Variants in VOPP1 observed in about 807,000 individuals in gnomAD.
VOPP1 encodes the protein VOPP1 WW domain binding protein.
Under a neutral mutation model 23.5 loss-of-function variants are expected in VOPP1, and 8 were observed. The observed-to-expected ratio is 0.34, with a 90% CI of 0.20 to 0.61. VOPP1 has a LOEUF of 0.61. VOPP1 is among the 20% of genes least tolerant of loss of function. VOPP1 has a pLI of 0.78. For synonymous variants in VOPP1, 83 were observed against 97.3 expected, an observed-to-expected ratio of 0.85 and a Z score of 0.86; for missense variants, 174 against 238.1, an observed-to-expected ratio of 0.73 and a Z score of 1.77.
intron 4 of VOPP1, among the ~76,000 whole-genome samples, chr7:55,456,601 T>G (rs902352411): frequency 2.8e-4 from 42 of 152,284 alleles, no homozygotes; most frequent in African/African-American, 9.9e-4. Flanking sequence ...ATATACACCA[T>G]GTAATACTAT....
intron 4 of VOPP1, 42 bp from the exon 5 acceptor site, chr7:55,473,087 C>G: frequency 6.4e-7 from 1 of 1,568,080 alleles, no homozygotes; most frequent in East Asian, 2.4e-5. Context: ...AAGGGAAAGC[C>G]CCATCACACC....
intron 2 of VOPP1, among the ~76,000 whole-genome samples, chr7:55,506,481 G>A (rs543029913): frequency 1.8e-4 from 27 of 152,282 alleles, no homozygotes; most frequent in Admixed American, 1.2e-3. Flanking sequence ...GATTACAGGT[G>A]TGCGCCCCCA....
chr7:55,565,267 G>A (rs552018242), intron 1 of VOPP1, among the ~76,000 whole-genome samples: 10 of 152,138 alleles, frequency 6.6e-5, no homozygotes, highest in East Asian at 1.9e-4. Flanking sequence ...CCCTCCTCCC[G>A]CATTCTAGAC....
In VOPP1 at chr7:55,492,309, T is replaced by C. The variant is rs750177985; in HGVS notation, c.301A>G (p.Thr101Ala). The stretch of plus-strand genomic sequence containing the variant: ...GGGCCGGGATTTGGGGGCTGCCTGG[T>C]GTAGGACACATTGAAGGCTGGCTCC... ...IEEPAFNVSY[T>A]RQPPNPGPGA... is the part of the protein sequence containing the mutation. The change falls in exon 4 of 5, where the codon ACC becomes GCC. Residue 101 changes from threonine to alanine, a missense_variant. Physicochemically the swap from Thr to Ala is moderately conservative, Grantham distance 58 (BLOSUM62 0). Transcript: ENST00000285279. The C allele has an allele frequency of 3.7e-6, 6 of 1,611,350 alleles. No individual in the cohort carries two copies. The highest frequency in any genetic ancestry group is 2.2e-5 in the South Asian group (2 of 90,416).
intron 1 of VOPP1, 24 bp downstream of exon 1, chr7:55,572,247 C>T (rs1798391030): frequency 3.3e-6 from 5 of 1,512,980 alleles, no homozygotes; most frequent in Non-Finnish European, 4.4e-6. Flanking sequence ...GCGCCTCCGG[C>T]AGCACCCGGT....
chr7:55,549,875 G>C lies in VOPP1; in HGVS notation c.54+22396C>G, dbSNP rs978067489. On this transcript the variant is annotated intron_variant, in intron 1 of 4. Transcript: ENST00000285279. ...ATGCCATTGCTCCCCTCCTCCATGAGCGGTGCTCTCAAATCTTGCTTGGAA... is the reference window on the plus strand; with the variant it reads ...ATGCCATTGCTCCCCTCCTCCATGACCGGTGCTCTCAAATCTTGCTTGGAA... Among the ~76,000 whole-genome samples, 5 of 152,302 alleles carry C rather than the reference G, an allele frequency of 3.3e-5. No homozygotes were observed. In the East Asian group the frequency reaches 9.6e-4, roughly 29 times the overall value.
chr7:55,554,906 C>A (rs1171367313), intron 1 of VOPP1, among the ~76,000 whole-genome samples: 1 of 152,154 alleles, frequency 6.6e-6, no homozygotes, highest in Admixed American at 6.5e-5. Flanking sequence ...AGACCTCACC[C>A]AAGCGCAGGA....
In VOPP1 at chr7:55,493,551, C is replaced by T. The variant is rs541587651; in HGVS notation, c.192-1133G>A. ...TGAGCAGGGAGAAAAGCCAGAGGCA[C>T]GAGACAGGAATGACTCAGGAAAGAC... On this transcript the variant is annotated intron_variant, in intron 3 of 4. Transcript: ENST00000285279. Among the ~76,000 whole-genome samples the T allele has an allele frequency of 2.0e-4, 31 of 152,320 alleles. No homozygotes were observed. In the East Asian group the frequency reaches 4.4e-3, roughly 22 times the overall value.
intron 4 of VOPP1, among the ~76,000 whole-genome samples, chr7:55,490,730 C>T (rs560691327): frequency 1.3e-5 from 2 of 152,196 alleles, no homozygotes; most frequent in Non-Finnish European, 2.9e-5. Context: ...AAATCTGAAA[C>T]GATTCAAATA....
At chr7:55,462,168 C>T (rs952580163) in intron 4 of VOPP1, among the ~76,000 whole-genome samples, 1 of 152,184 alleles carries the variant, frequency 6.6e-6, no homozygotes, top group African/African-American at 2.4e-5. Flanking sequence ...TTATCACATT[C>T]TCTCCTGGCC....
chr7:55,548,805 T>A lies in VOPP1; in HGVS notation c.54+23466A>T, dbSNP rs146557194. ...ATCACCAGCACTCTTGCTCTGTAGA[T>A]TATAAGTAGACGAAAGATGAAAGAA... On this transcript the variant is annotated intron_variant, in intron 1 of 4. Transcript: ENST00000285279. Among the ~76,000 whole-genome samples the A allele has an allele frequency of 3.6e-3, 552 of 152,320 alleles. 2 individuals carry two copies. The highest frequency in any genetic ancestry group is 0.024 in the Middle Eastern group (7 of 294).
chr7:55,513,461 A>T lies in VOPP1; in HGVS notation c.113+7611T>A, dbSNP rs1360477580. On this transcript the variant is annotated intron_variant, in intron 2 of 4. Coordinates refer to ENST00000285279, the MANE Select transcript of VOPP1 (RefSeq NM_030796.5). ...ATTCCCTATCGTCTCAGTGGAGTTG[A>T]CTTCCGAGAAGCTTCCCCACATTCT... Among the ~76,000 whole-genome samples the T allele has an allele frequency of 3.3e-5, 5 of 152,092 alleles. No homozygotes were observed. The East Asian group carries it at 5.8e-4, about 18-fold the overall frequency.
At chr7:55,501,201 A>G (rs139432633) in intron 2 of VOPP1, among the ~76,000 whole-genome samples, 20 of 152,384 alleles carry the variant, frequency 1.3e-4, no homozygotes, top group African/African-American at 4.3e-4. Flanking sequence ...ATGCGCTACA[A>G]TTAGCAGGTA....
intron 1 of VOPP1, among the ~76,000 whole-genome samples, chr7:55,559,937 G>A (rs150792677): frequency 6.6e-6 from 1 of 152,302 alleles, no homozygotes; most frequent in African/African-American, 2.4e-5. Context: ...GCGATCACCT[G>A]AGGTCAGGAG....
chr7:55,547,065 T>C (rs1192980135), intron 1 of VOPP1, among the ~76,000 whole-genome samples: 2 of 152,194 alleles, frequency 1.3e-5, no homozygotes, highest in Non-Finnish European at 2.9e-5. Flanking sequence ...CAATTTGTAA[T>C]CCCTCTGACC....
intron 1 of VOPP1, among the ~76,000 whole-genome samples, chr7:55,536,674 A>G (rs867300510): frequency 6.6e-6 from 1 of 152,186 alleles, no homozygotes; most frequent in Admixed American, 6.5e-5. Context: ...GGCAGAGCAC[A>G]TGGCACGTGG....
At chr7:55,521,033 G>A in intron 2 of VOPP1, 39 bp downstream of exon 2, 1 of 1,546,132 alleles carries the variant, frequency 6.5e-7, no homozygotes, top group South Asian at 1.2e-5. Context: ...AGAAAGGTAT[G>A]GCCACAGAAT....
Position 55,472,806 on chromosome 7 carries a change from G to C in VOPP1, c.*49C>G. Reference sequence around the variant, plus strand: ...AGTGAACATCAACGAAGACAGAAAGGCCAGGGAAAGGCCCTCTCCTGTCTC... The same window carrying C: ...AGTGAACATCAACGAAGACAGAAAGCCCAGGGAAAGGCCCTCTCCTGTCTC... On this transcript the variant is annotated 3_prime_UTR_variant, in exon 5 of 5. Coordinates refer to ENST00000285279, the MANE Select transcript of VOPP1 (RefSeq NM_030796.5). 1 of 912,236 alleles carries C rather than the reference G, an allele frequency of 1.1e-6. No individual in the cohort carries two copies. The highest frequency in any genetic ancestry group is 1.5e-6 in the Non-Finnish European group (1 of 652,874). 56.5% of individuals were successfully genotyped at this position (912,236 alleles called of 1,614,324 possible). A position where few individuals can be genotyped will look rare whatever the true frequency, so the allele number is the denominator to read the frequency against.
intron 4 of VOPP1, among the ~76,000 whole-genome samples, chr7:55,482,366 G>A (rs1385364091): frequency 1.1e-5 from 1 of 92,328 alleles, no homozygotes; most frequent in Non-Finnish European, 2.2e-5. Context: ...TTTTTTTTTT[G>A]AGACGGAGTC....
Sources: allele counts gnomAD v4.1 joint callset (sites outside exome capture counted in the v4.1 genomes callset), GRCh38; gene constraint gnomAD v4.1.1; transcripts MANE v1.5; gene names NCBI Gene and HGNC (gene_info 2026-07-23, HGNC 2026-07-21).